SRRD: variants seen among roughly 807,000 people sequenced by gnomAD.
SRRD encodes SRR1-like protein.
In SRRD, 28 loss-of-function variants were observed where a neutral mutation model predicts 30.7. The ratio of observed to expected loss-of-function variants is 0.91; its 90% CI spans 0.68 to 1.25. SRRD has a LOEUF of 1.25. Among genes scored for constraint, SRRD ranks in the 50% most tolerant of loss-of-function variants. The probability of loss-of-function intolerance (pLI) is 0.00; values close to 1 mark genes in which losing one functional copy is unlikely to be tolerated. For missense variants in SRRD, 415 were observed against 417.3 expected (o/e 0.99, Z 0.05); for synonymous variants, 161 against 159.6 (o/e 1.01, Z -0.07).
chr22:26,489,043 G>A (rs1277591192), intron 4 of SRRD, among the ~76,000 whole-genome samples: 2 of 152,236 alleles, frequency 1.3e-5, no homozygotes, highest in Non-Finnish European at 2.9e-5. Flanking sequence ...GCCAGTATGA[G>A]CAAATCCCTC....
At position 26,488,277 on chromosome 22, in the gene SRRD, G is replaced by C; in HGVS notation, c.499G>C (p.Glu167Gln). The change falls in exon 3 of 7, where the codon GAA becomes CAA. Residue 167 changes from glutamate (E) to glutamine (Q), a missense_variant. By Grantham distance (29) the Glu-to-Gln change is conservative. Coordinates refer to ENST00000215917, the MANE Select transcript of SRRD (RefSeq NM_001013694.3). ...NQLTFLLLLL[E>Q]KCQIPRSHCW... is the part of the protein sequence containing the mutation. ...GCTAACGTTTTTGCTGCTTTTGTTG[G>C]AAAAGTGCCAGGTACATTTTTGGAT... is the stretch of plus-strand genomic sequence containing the variant. 6.2e-7 allele frequency: 1 copy of C among 1,613,856 alleles called. No homozygotes were observed. Among genetic ancestry groups the C allele is most frequent in the Non-Finnish European group, 8.5e-7 (1 of 1,179,764 alleles).
In SRRD at chr22:26,492,089, C is replaced by A. The variant is rs1314136444; in HGVS notation, c.*417C>A. 2.5e-6 allele frequency: 4 copies of A among 1,613,594 alleles called. No individual in the cohort carries two copies. In the Admixed American group the frequency reaches 6.7e-5, roughly 27 times the overall value. On this transcript the variant is annotated 3_prime_UTR_variant, in exon 7 of 7. Transcript: ENST00000215917. Reference sequence around the variant, plus strand: ...CTCGCCCTGGACAAAGACCACTCCCCGGTCGATGTAGATCACAATGCGGCC... The same window carrying A: ...CTCGCCCTGGACAAAGACCACTCCCAGGTCGATGTAGATCACAATGCGGCC...
chr22:26,486,227 T>G (rs535224476), intron 2 of SRRD, among the ~76,000 whole-genome samples, 164 bp downstream of exon 2: 2 of 152,360 alleles, frequency 1.3e-5, no homozygotes, highest in East Asian at 3.9e-4. Flanking sequence ...CTCAGTTTCT[T>G]TATCTGTGAA....
chr22:26,488,315 C>T (rs1287710855), intron 3 of SRRD, 27 bp downstream of exon 3: 5 of 1,602,592 alleles, frequency 3.1e-6, no homozygotes, highest in Admixed American at 1.7e-5. Flanking sequence ...ATTTTCATCT[C>T]CTCCTCCTCT....
intron 2 of SRRD, among the ~76,000 whole-genome samples, chr22:26,487,267 C>A (rs977649432): frequency 1.3e-5 from 2 of 152,108 alleles, no homozygotes; most frequent in Non-Finnish European, 1.5e-5. Context: ...TTGGAATGCA[C>A]GGCTTTTTTT....
In SRRD at chr22:26,492,175, G is replaced by T; in HGVS notation, c.*503G>T. 1 of 1,614,198 alleles carries T rather than the reference G, an allele frequency of 6.2e-7. No homozygotes were observed. Among genetic ancestry groups the T allele is most frequent in the Non-Finnish European group, 8.5e-7 (1 of 1,180,042 alleles). On this transcript the variant is annotated 3_prime_UTR_variant, in exon 7 of 7. Transcript: ENST00000215917. ...CAATGACGGGCATGAAGACAATGTT[G>T]TGCTCCTCAGCCTTGGTCTCAATGA...
In SRRD at chr22:26,494,149, G is replaced by A. The variant is rs1287376258; in HGVS notation, c.*2477G>A. ...GGAATCCTCACTTACCAACGTTGGA[G>A]GACACCGCCCGGTTCATGATATCAA... On this transcript the variant is annotated 3_prime_UTR_variant, in exon 7 of 7. Transcript: ENST00000215917. 6.2e-7 allele frequency: 1 copy of A among 1,613,920 alleles called. No homozygotes were observed. Among genetic ancestry groups the A allele is most frequent in the East Asian group, 2.2e-5 (1 of 44,880 alleles).
In SRRD at chr22:26,492,499, G is replaced by A. The variant is rs1410771059; in HGVS notation, c.*827G>A. The A allele has an allele frequency of 2.6e-6, 2 of 778,596 alleles. No homozygotes were observed. The highest frequency in any genetic ancestry group is 4.2e-6 in the Non-Finnish European group (2 of 480,348). The allele number at this position is 778,596 out of a possible 1,614,324, so 48.2% of individuals were successfully genotyped here. ...CACTGAAGGGCAGCTCTGCCTCAAA[G>A]ATACAACTTTGGAGGAAGTTTAGAC... On this transcript the variant is annotated 3_prime_UTR_variant, in exon 7 of 7. Coordinates refer to ENST00000215917, the MANE Select transcript of SRRD (RefSeq NM_001013694.3).
Position 26,494,613 on chromosome 22 carries a change from G to T in SRRD, c.*2941G>T. 1.1e-6 allele frequency: 1 copy of T among 897,658 alleles called. No individual in the cohort carries two copies. Among genetic ancestry groups the T allele is most frequent in the Non-Finnish European group, 1.7e-6 (1 of 602,966 alleles). The allele number at this position is 897,658 out of a possible 1,614,324, so 55.6% of individuals were successfully genotyped here. On this transcript the variant is annotated 3_prime_UTR_variant, in exon 7 of 7. Coordinates refer to ENST00000215917, the MANE Select transcript of SRRD (RefSeq NM_001013694.3). ...TAAAGCAAATAAAGTGCTTGGAACAGCTTCTGATACATGGCAAATGTCCAA... is the reference window on the plus strand; with the variant it reads ...TAAAGCAAATAAAGTGCTTGGAACATCTTCTGATACATGGCAAATGTCCAA...
intron 4 of SRRD, among the ~76,000 whole-genome samples, chr22:26,489,531 G>A (rs138330843): frequency 6.6e-6 from 1 of 152,000 alleles, no homozygotes; most frequent in Non-Finnish European, 1.5e-5. Flanking sequence ...GCAAGGAGAG[G>A]AGAGGCAGGC....
At position 26,491,578 on chromosome 22, in the gene SRRD, A is replaced by G. The variant is rs941195752; in HGVS notation, c.926A>G (p.Asp309Gly). ...CAAAAGCTAGAACAGCTCTCCATAG[A>G]TATTTGGGAGTTTCGGGAAGAACCA... ...PVQKLEQLSI[D>G]IWEFREEPDY... The change falls in exon 7 of 7, where the codon GAT becomes GGT. Residue 309 changes from aspartate to glycine, a missense_variant. By Grantham distance (94) the Asp-to-Gly change is moderately conservative. Transcript: ENST00000215917. 5.0e-6 allele frequency: 8 copies of G among 1,614,036 alleles called. No individual in the cohort carries two copies. Among genetic ancestry groups the G allele is most frequent in the Middle Eastern group, 1.6e-4 (1 of 6,084 alleles).
Position 26,491,068 on chromosome 22 carries a change from A to G in SRRD, c.808A>G (p.Lys270Glu). 3.7e-6 allele frequency: 6 copies of G among 1,612,424 alleles called. No homozygotes were observed. Among genetic ancestry groups the G allele is most frequent in the Non-Finnish European group, 5.1e-6 (6 of 1,179,506 alleles). The change falls in exon 6 of 7, where the codon AAG becomes GAG. Residue 270 changes from lysine (K) to glutamate (E), a missense_variant and splice_region_variant. Lys to Glu is a moderately conservative substitution (Grantham distance 56). Coordinates refer to ENST00000215917, the MANE Select transcript of SRRD (RefSeq NM_001013694.3). ...GCAGAAAAATTATCCCTACATTGCA[A>G]AGGTATCTATCTGAATAAAGGGGCT... ...ILQKNYPYIA[K>E]ILKGLEELEF...
chr22:26,493,789 G>C lies in SRRD; in HGVS notation c.*2117G>C, dbSNP rs1921549557. 1 of 261,662 alleles carries C rather than the reference G, an allele frequency of 3.8e-6. No homozygotes were observed. Among genetic ancestry groups the C allele is most frequent in the Admixed American group, 5.0e-5 (1 of 19,978 alleles). The allele number at this position is 261,662 out of a possible 1,614,324, so 16.2% of individuals were successfully genotyped here. ...CAGACCGCGTGCCAAACTCCACACT[G>C]TAAGATGCGTCACCTAAGCAGCATG... On this transcript the variant is annotated 3_prime_UTR_variant, in exon 7 of 7. Transcript: ENST00000215917.
intron 4 of SRRD, 46 bp from the exon 5 acceptor site, chr22:26,489,998 G>T: frequency 1.9e-6 from 3 of 1,607,532 alleles, no homozygotes. Context: ...TTGCTGTAAA[G>T]AATAGGTTGT....
intron 6 of SRRD, 188 bp from the exon 7 acceptor site, chr22:26,491,273 TCA>T (rs1306166992): frequency 1.4e-6 from 1 of 717,462 alleles, no homozygotes; most frequent in African/African-American, 1.8e-5. Flanking sequence ...ATTCTTAGTA[TCA>T]CAGTCCATGA....
At position 26,492,441 on chromosome 22, in the gene SRRD, C is replaced by A; in HGVS notation, c.*769C>A. On this transcript the variant is annotated 3_prime_UTR_variant, in exon 7 of 7. Transcript: ENST00000215917. ...ATGGAAGTTGACACTGTGGCTTGGC[C>A]CAGGTCTTGGGTGTGCCAGAGTGCT... 4.1e-6 allele frequency: 6 copies of A among 1,449,154 alleles called. No individual in the cohort carries two copies. The highest frequency in any genetic ancestry group is 5.7e-6 in the Non-Finnish European group (6 of 1,046,998). 89.8% of individuals were successfully genotyped at this position (1,449,154 alleles called of 1,614,324 possible).
In SRRD at chr22:26,491,075, C is replaced by A. The variant is rs1429744925; in HGVS notation, c.810+5C>A. On this transcript the variant is annotated splice_donor_5th_base_variant and intron_variant, in intron 6 of 6. Coordinates refer to ENST00000215917, the MANE Select transcript of SRRD (RefSeq NM_001013694.3). The stretch of plus-strand genomic sequence containing the variant: ...AATTATCCCTACATTGCAAAGGTAT[C>A]TATCTGAATAAAGGGGCTGGGATGG... The A allele has an allele frequency of 6.2e-7, 1 of 1,611,794 alleles. No homozygotes were observed. The highest frequency in any genetic ancestry group is 8.5e-7 in the Non-Finnish European group (1 of 1,179,116).
chr22:26,494,175 G>C lies in SRRD; in HGVS notation c.*2503G>C. 1 of 1,614,220 alleles carries C rather than the reference G, an allele frequency of 6.2e-7. No individual in the cohort carries two copies. On this transcript the variant is annotated 3_prime_UTR_variant, in exon 7 of 7. Transcript: ENST00000215917. Reference sequence around the variant, plus strand: ...GACACCGCCCGGTTCATGATATCAAGTGCCTCATTAAATTTGTCCTTGACA... The same window carrying C: ...GACACCGCCCGGTTCATGATATCAACTGCCTCATTAAATTTGTCCTTGACA...
intron 2 of SRRD, among the ~76,000 whole-genome samples, chr22:26,486,304 G>C (rs2091708170): frequency 6.6e-6 from 1 of 152,176 alleles, no homozygotes; most frequent in Non-Finnish European, 1.5e-5. Context: ...CTTGCCTGCT[G>C]TATACAAGGC....
Sources: allele counts gnomAD v4.1 joint callset (sites outside exome capture counted in the v4.1 genomes callset), GRCh38; gene constraint gnomAD v4.1.1; transcripts MANE v1.5; gene names NCBI Gene and HGNC (gene_info 2026-07-23, HGNC 2026-07-21).